SNRPB2: variants seen among roughly 807,000 people sequenced by gnomAD.
SNRPB2 encodes the protein small nuclear ribonucleoprotein polypeptide B2.
Under a neutral mutation model 26.3 loss-of-function variants are expected in SNRPB2, and 16 were observed. That is an observed-to-expected ratio of 0.61 (90% CI 0.41 to 0.92). The LOEUF is 0.92. Among genes scored for constraint, SNRPB2 ranks in the 40% least tolerant of loss-of-function variants. The pLI, the probability that SNRPB2 is intolerant of heterozygous loss-of-function variation, is 0.00. For synonymous variants in SNRPB2, 75 were observed against 89.0 expected (o/e 0.84, Z 0.88); for missense variants, 179 against 268.1 (o/e 0.67, Z 2.32).
chr20:16,738,208 AG>A, intron 4 of SNRPB2, among the ~76,000 whole-genome samples: 1 of 152,102 alleles, frequency 6.6e-6, no homozygotes, highest in Non-Finnish European at 1.5e-5. Context: ...TGGGAGGCTG[AG>A]GTGGGTGGAT....
chr20:16,739,418 C>T (rs2072449063), intron 5 of SNRPB2, among the ~76,000 whole-genome samples: 1 of 152,032 alleles, frequency 6.6e-6, no homozygotes, highest in Non-Finnish European at 1.5e-5. Context: ...TATTAAATCT[C>T]CCCATGACAT....
At chr20:16,731,856 C>T (rs2072394049) in intron 2 of SNRPB2, 90 bp downstream of exon 2, 2 of 1,562,946 alleles carry the variant, frequency 1.3e-6, no homozygotes, top group East Asian at 2.3e-5. Context: ...CCTCTTACCT[C>T]ATCATCTTAG....
chr20:16,741,389 T>C lies in SNRPB2; in HGVS notation c.*384T>C, dbSNP rs1240775700. 1 of 154,446 alleles carries C rather than the reference T, an allele frequency of 6.5e-6. No individual in the cohort carries two copies. The highest frequency in any genetic ancestry group is 1.4e-5 in the Non-Finnish European group (1 of 69,546). 9.6% of individuals were successfully genotyped at this position (154,446 alleles called of 1,614,324 possible). A position where few individuals can be genotyped will look rare whatever the true frequency, so the allele number is the denominator to read the frequency against. ...TCAATAAAAGTTAAGTAAAATTAGA[T>C]CACAGAAGCTAGTAGATGACTGTTG... On this transcript the variant is annotated 3_prime_UTR_variant, in exon 7 of 7. Transcript: ENST00000246071.
In SNRPB2 at chr20:16,742,212, AAC is replaced by A. The variant is rs1288939932; in HGVS notation, c.*1209_*1210del. The A allele has an allele frequency of 6.6e-6, 1 of 152,220 alleles. No homozygotes were observed. Among genetic ancestry groups the A allele is most frequent in the Non-Finnish European group, 1.5e-5 (1 of 68,038 alleles). 9.4% of individuals were successfully genotyped at this position (152,220 alleles called of 1,614,324 possible). A position where few individuals can be genotyped will look rare whatever the true frequency, so the allele number is the denominator to read the frequency against. ...CTCCTGTACTTTTGTAAAATATATT[AAC>A]AGTGAATTACTAGAAAATGGGCCAT... On this transcript the variant is annotated 3_prime_UTR_variant, in exon 7 of 7. Transcript: ENST00000246071.
At chr20:16,735,774 A>G (rs1369611960) in intron 3 of SNRPB2, among the ~76,000 whole-genome samples, 2 of 152,238 alleles carry the variant, frequency 1.3e-5, no homozygotes, top group East Asian at 1.9e-4. Flanking sequence ...CTGTGATTCC[A>G]TTCTTTTGTT....
At position 16,732,445 on chromosome 20, in the gene SNRPB2, A is replaced by G. The variant is rs966570674; in HGVS notation, c.237+109A>G. Reference sequence around the variant, plus strand: ...TGGCTATTGCTTTCTGCTTTTAATTATGTGTGTTTGGGTTTATGTATTTTT... The same window carrying G: ...TGGCTATTGCTTTCTGCTTTTAATTGTGTGTGTTTGGGTTTATGTATTTTT... On this transcript the variant is annotated intron_variant, in intron 3 of 6. Transcript: ENST00000246071. 19 of 654,262 alleles carry G rather than the reference A, an allele frequency of 2.9e-5. No homozygotes were observed. In the South Asian group the frequency reaches 4.1e-4, roughly 14 times the overall value. The allele number at this position is 654,262 out of a possible 1,614,324, so 40.5% of individuals were successfully genotyped here. A position where few individuals can be genotyped will look rare whatever the true frequency, so the allele number is the denominator to read the frequency against.
At chr20:16,738,482 T>A (rs2072442607) in intron 4 of SNRPB2, among the ~76,000 whole-genome samples, 1 of 150,572 alleles carries the variant, frequency 6.6e-6, no homozygotes, top group South Asian at 2.1e-4. Context: ...CACCAAAAAG[T>A]AATTACTTCT....
rs150834485 is a variant in SNRPB2 at position 16,734,720 on chromosome 20, C to T, written c.237+2384C>T. The stretch of plus-strand genomic sequence containing the variant: ...CCACAGGATGCCAGTAGCATAACAA[C>T]GAGTAATGTCTCCAGCTAGTGCTAG... On this transcript the variant is annotated intron_variant, in intron 3 of 6. Transcript: ENST00000246071. Among the ~76,000 whole-genome samples, 22 of 152,304 alleles carry T rather than the reference C, an allele frequency of 1.4e-4. No homozygotes were observed. In the South Asian group the frequency reaches 1.9e-3, roughly 13 times the overall value.
rs1568754531 is a variant in SNRPB2 at position 16,737,209 on chromosome 20, T to C, written c.238-52T>C. 2.8e-6 allele frequency: 4 copies of C among 1,438,646 alleles called. No individual in the cohort carries two copies. The East Asian group carries it at 9.3e-5, about 34-fold the overall frequency. The allele number at this position is 1,438,646 out of a possible 1,614,324, so 89.1% of individuals were successfully genotyped here. A position where few individuals can be genotyped will look rare whatever the true frequency, so the allele number is the denominator to read the frequency against. ...TGAAATTTGAAATATTAATGACTAG[T>C]GTAAACATCCTTCAGCATGAGAAGT... On this transcript the variant is annotated intron_variant, in intron 3 of 6. Transcript: ENST00000246071.
intron 4 of SNRPB2, among the ~76,000 whole-genome samples, chr20:16,738,502 G>A (rs1483441267): frequency 6.7e-6 from 1 of 150,324 alleles, no homozygotes; most frequent in Non-Finnish European, 1.5e-5. Context: ...TGGATTGAAA[G>A]TGATTAAAAG....
In SNRPB2 at chr20:16,741,717, T is replaced by C. The variant is rs1206559999; in HGVS notation, c.*712T>C. Reference sequence around the variant, plus strand: ...CCTCCAGGGTAAAAATTTTTTGATCTATAGTCTCTTTTCCCCCTTAAGACA... The same window carrying C: ...CCTCCAGGGTAAAAATTTTTTGATCCATAGTCTCTTTTCCCCCTTAAGACA... On this transcript the variant is annotated 3_prime_UTR_variant, in exon 7 of 7. Transcript: ENST00000246071. The C allele has an allele frequency of 6.6e-6, 1 of 152,228 alleles. No individual in the cohort carries two copies. Among genetic ancestry groups the C allele is most frequent in the Non-Finnish European group, 1.5e-5 (1 of 68,030 alleles). The allele number at this position is 152,228 out of a possible 1,614,324, so 9.4% of individuals were successfully genotyped here.
chr20:16,732,423 C>G, intron 3 of SNRPB2, 87 bp downstream of exon 3: 1 of 704,700 alleles, frequency 1.4e-6, no homozygotes, highest in Non-Finnish European at 2.4e-6. Flanking sequence ...GAAACTGTGG[C>G]TATTGCTTTC....
chr20:16,738,900 CA>C lies in SNRPB2; in HGVS notation c.428del (p.Gln143ArgfsTer23). ...CCAAGGAAATTCAACACCAAATCCT[CA>C]GGTAATTTTTTTTCCATGTCGTGCT... ...NTQGNSTPNPQVPDYPPNYIL... is the reference protein window; with the variant it reads ...NTQGNSTPNPXVPDYPPNYIL... On this transcript the variant is annotated frameshift_variant and splice_region_variant, in exon 5 of 7. Coordinates refer to ENST00000246071, the MANE Select transcript of SNRPB2 (RefSeq NM_003092.5). LOFTEE classifies it high-confidence loss of function. 6.2e-7 allele frequency: 1 copy of C among 1,601,886 alleles called. No individual in the cohort carries two copies. The highest frequency in any genetic ancestry group is 8.6e-7 in the Non-Finnish European group (1 of 1,169,174).
rs550782229 is a variant in SNRPB2 at position 16,737,474 on chromosome 20, G to A, written c.378+73G>A. The A allele has an allele frequency of 2.9e-6, 4 of 1,392,296 alleles. No individual in the cohort carries two copies. The African/African-American group carries it at 5.8e-5, about 20-fold the overall frequency. 86.2% of individuals were successfully genotyped at this position (1,392,296 alleles called of 1,614,324 possible). A position where few individuals can be genotyped will look rare whatever the true frequency, so the allele number is the denominator to read the frequency against. On this transcript the variant is annotated intron_variant, in intron 4 of 6. Transcript: ENST00000246071. ...GATAGATGCTTGTCTTACAGGTAAG[G>A]AATGATCTTAGGCTTGTCTGTATAT...
chr20:16,739,597 C>T (rs1342978672), intron 5 of SNRPB2, among the ~76,000 whole-genome samples: 1 of 152,100 alleles, frequency 6.6e-6, no homozygotes, highest in African/African-American at 2.4e-5. Context: ...ATTTATAGTC[C>T]AGTTCACAAA....
intron 1 of SNRPB2, chr20:16,730,462 C>G (rs1172104525): frequency 6.6e-6 from 1 of 152,326 alleles, no homozygotes; most frequent in Non-Finnish European, 1.5e-5. Context: ...AGCCCACGAT[C>G]AAACCTCGCA....
At position 16,741,219 on chromosome 20, in the gene SNRPB2, T is replaced by G. The variant is rs1343016532; in HGVS notation, c.*214T>G. ...AATAAACTTTTATTTGTATTCTGTG[T>G]ATATAATGCTTTCTTGATTGACCCA... On this transcript the variant is annotated 3_prime_UTR_variant, in exon 7 of 7. Transcript: ENST00000246071. 7.2e-6 allele frequency: 3 copies of G among 416,658 alleles called. No homozygotes were observed. The highest frequency in any genetic ancestry group is 1.3e-5 in the Non-Finnish European group (3 of 233,596). The allele number at this position is 416,658 out of a possible 1,614,324, so 25.8% of individuals were successfully genotyped here. A position where few individuals can be genotyped will look rare whatever the true frequency, so the allele number is the denominator to read the frequency against.
intron 3 of SNRPB2, among the ~76,000 whole-genome samples, chr20:16,736,800 TTTTG>T (rs1434816963): frequency 1.3e-5 from 2 of 152,318 alleles, no homozygotes; most frequent in East Asian, 3.9e-4. Context: ...GCAGTTTTGC[TTTTG>T]TTTGTTTTAT....
At chr20:16,740,220 T>A in intron 5 of SNRPB2, 105 bp from the exon 6 acceptor site, 1 of 1,531,106 alleles carries the variant, frequency 6.5e-7, no homozygotes, top group South Asian at 1.2e-5. Flanking sequence ...TTCTCCAGTG[T>A]CATTGTTTTT....
Sources: allele counts gnomAD v4.1 joint callset (sites outside exome capture counted in the v4.1 genomes callset), GRCh38; gene constraint gnomAD v4.1.1; transcripts MANE v1.5; gene names NCBI Gene and HGNC (gene_info 2026-07-23, HGNC 2026-07-21).